The following PACRG variants were observed in gnomAD, a reference collection of about 807,000 sequenced individuals.
PACRG encodes parkin coregulated.
Under a neutral mutation model 29.7 loss-of-function variants are expected in PACRG, and 29 were observed. The observed-to-expected ratio is 0.98, with a 90% CI of 0.73 to 1.33. The LOEUF (loss-of-function observed/expected upper bound fraction) is 1.33, where lower values mean the gene tolerates loss of function less well. PACRG is among the 40% of genes most tolerant of loss of function. The pLI, the probability that PACRG is intolerant of heterozygous loss-of-function variation, is 0.00. For synonymous variants in PACRG, 116 were observed against 118.7 expected (o/e 0.98, Z 0.15); for missense variants, 279 against 316.2 (o/e 0.88, Z 0.89).
chr6:163,178,196 G>C (rs1779478940), intron 4 of PACRG, among the ~76,000 whole-genome samples: 1 of 152,184 alleles, frequency 6.6e-6, no homozygotes, highest in African/African-American at 2.4e-5. Flanking sequence ...TGCATGCAGA[G>C]GCAGGGTCTG....
At chr6:163,167,894 A>G (rs983603192) in intron 4 of PACRG, among the ~76,000 whole-genome samples, 3 of 152,254 alleles carry the variant, frequency 2.0e-5, no homozygotes, top group African/African-American at 7.2e-5. Context: ...GACAGCACAC[A>G]AAAGTGAACT....
At chr6:163,070,065 A>G (rs2128277837) in intron 3 of PACRG, among the ~76,000 whole-genome samples, 1 of 152,264 alleles carries the variant, frequency 6.6e-6, no homozygotes, top group Admixed American at 6.5e-5. Context: ...TCCAGCAAAA[A>G]TATCCTTCAA....
At chr6:163,096,908 CAT>C (rs1814644675) in intron 4 of PACRG, among the ~76,000 whole-genome samples, 1 of 152,138 alleles carries the variant, frequency 6.6e-6, no homozygotes, top group Non-Finnish European at 1.5e-5. Flanking sequence ...ATACCTTTCC[CAT>C]ATGTCAGCAG....
intron 2 of PACRG, among the ~76,000 whole-genome samples, chr6:162,886,958 A>T (rs1794389929): frequency 6.6e-6 from 1 of 152,282 alleles, no homozygotes; most frequent in South Asian, 2.1e-4. Flanking sequence ...CCCAGGCTGG[A>T]GTACAGTGGT....
At chr6:162,842,692 C>T (rs1234648940) in intron 2 of PACRG, among the ~76,000 whole-genome samples, 5 of 120,976 alleles carry the variant, frequency 4.1e-5, no homozygotes, top group East Asian at 2.4e-4. Context: ...TTCCTAGTCT[C>T]GATGGTCTTT....
intron 2 of PACRG, among the ~76,000 whole-genome samples, chr6:163,043,734 G>A (rs983024281): frequency 2.0e-5 from 3 of 152,162 alleles, no homozygotes; most frequent in Non-Finnish European, 4.4e-5. Flanking sequence ...AGAATAACAC[G>A]AGGGAATATG....
At chr6:163,006,659 T>C (rs945024728) in intron 2 of PACRG, among the ~76,000 whole-genome samples, 2 of 152,010 alleles carry the variant, frequency 1.3e-5, no homozygotes, top group African/African-American at 4.8e-5. Context: ...TTATGTCCTC[T>C]TGATAAATTG....
At chr6:163,198,266 C>A (rs894226322) in intron 4 of PACRG, among the ~76,000 whole-genome samples, 9 of 152,162 alleles carry the variant, frequency 5.9e-5, no homozygotes, top group Non-Finnish European at 1.3e-4. Context: ...TCTTTTCTTG[C>A]TAATATAATG....
chr6:162,953,020 G>C (rs771424684), intron 2 of PACRG, among the ~76,000 whole-genome samples: 28 of 152,078 alleles, frequency 1.8e-4, no homozygotes, highest in Middle Eastern at 3.4e-3. Flanking sequence ...ACATTCTTTG[G>C]CGTACAAAAA....
At chr6:163,081,043 A>G (rs576729666) in intron 3 of PACRG, among the ~76,000 whole-genome samples, 41 of 152,202 alleles carry the variant, frequency 2.7e-4, no homozygotes, top group Non-Finnish European at 6.0e-4. Flanking sequence ...ATTTACTTAT[A>G]TAGCAATTGA....
chr6:163,116,929 C>A (rs1038625334), intron 4 of PACRG, among the ~76,000 whole-genome samples: 1 of 152,062 alleles, frequency 6.6e-6, no homozygotes, highest in South Asian at 2.1e-4. Flanking sequence ...CTGCAGGGAT[C>A]CCCAGACGAG....
chr6:163,184,370 T>C (rs1405600891), intron 4 of PACRG, among the ~76,000 whole-genome samples: 1 of 152,224 alleles, frequency 6.6e-6, no homozygotes, highest in Non-Finnish European at 1.5e-5. Context: ...CATCTCTTTA[T>C]ACTGTCCATA....
intron 2 of PACRG, chr6:162,957,352 GC>G: frequency 1.6e-6 from 1 of 617,168 alleles, no homozygotes; most frequent in East Asian, 3.4e-5. Context: ...ACCACCACAG[GC>G]CCTGCTGACA....
intron 2 of PACRG, among the ~76,000 whole-genome samples, chr6:162,906,439 T>A (rs906302957): frequency 6.6e-6 from 1 of 152,240 alleles, no homozygotes; most frequent in South Asian, 2.1e-4. Flanking sequence ...TAGAGAATAG[T>A]GCTTCCAAAA....
At chr6:162,864,623 G>A (rs905265778) in intron 2 of PACRG, among the ~76,000 whole-genome samples, 4 of 152,106 alleles carry the variant, frequency 2.6e-5, no homozygotes, top group Non-Finnish European at 4.4e-5. Context: ...TTGCTTTCAC[G>A]TTTAAATGAA....
At chr6:162,895,032 A>G (rs1288799007) in intron 2 of PACRG, among the ~76,000 whole-genome samples, 1 of 152,160 alleles carries the variant, frequency 6.6e-6, no homozygotes, top group African/African-American at 2.4e-5. Context: ...AATAAACTAT[A>G]ACTTTTAGGT....
chr6:163,299,142 C>A (rs905913976), intron 4 of PACRG, among the ~76,000 whole-genome samples: 1 of 152,218 alleles, frequency 6.6e-6, no homozygotes, highest in Non-Finnish European at 1.5e-5. Context: ...TAGAACACAG[C>A]TGGTCTTCTT....
chr6:162,985,786 T>C (rs761470893), intron 2 of PACRG, among the ~76,000 whole-genome samples: 3 of 152,070 alleles, frequency 2.0e-5, no homozygotes, highest in Admixed American at 6.6e-5. Context: ...CCTGATAATA[T>C]GATTGTATAC....
chr6:163,125,974 TATAC>T lies in PACRG; in HGVS notation c.613+36572_613+36575del, dbSNP rs563400939. Among the ~76,000 whole-genome samples, 339 of 152,374 alleles carry T rather than the reference TATAC, an allele frequency of 2.2e-3. 3 individuals carry two copies. The highest frequency in any genetic ancestry group is 6.9e-3 in the African/African-American group (287 of 41,590). ...TTTATTGTAACATAAAACATGCACA[TATAC>T]ATACAAACACTTACACATTGCAGAT... On this transcript the variant is annotated intron_variant, in intron 4 of 4. Transcript: ENST00000366888.
Sources: gnomAD v4.1 joint callset for allele counts (sites outside exome capture counted in the v4.1 genomes callset) on GRCh38, gnomAD v4.1.1 for gene constraint, MANE v1.5 for transcripts, NCBI Gene and HGNC (gene_info 2026-07-23, HGNC 2026-07-21) for gene names.